The following FRMD6 variants were observed in gnomAD, a reference collection of about 807,000 sequenced individuals.
FRMD6 encodes FERM domain-containing protein 6.
Under a neutral mutation model 73.2 loss-of-function variants are expected in FRMD6, and 37 were observed. That is an observed-to-expected ratio of 0.51 (90% confidence interval 0.39 to 0.66). The LOEUF (loss-of-function observed/expected upper bound fraction) is 0.66, where lower values mean the gene tolerates loss of function less well. Ranked by LOEUF, FRMD6 falls within the 30% of genes least tolerant of loss-of-function variation. The pLI, the probability that FRMD6 is intolerant of heterozygous loss-of-function variation, is 0.00. For missense variants in FRMD6, 714 were observed against 780.5 expected, an observed-to-expected ratio of 0.91 and a Z score of 1.02; for synonymous variants, 273 against 282.2, an observed-to-expected ratio of 0.97 and a Z score of 0.33.
intron 2 of FRMD6, among the ~76,000 whole-genome samples, chr14:51,594,342 T>TTTATTTA (rs1284549637): frequency 9.2e-5 from 6 of 65,162 alleles, no homozygotes; most frequent in South Asian, 4.7e-4. Flanking sequence ...TTATTTATTT[T>TTTATTTA]TTTGAGACGG....
chr14:51,687,652 G>A (rs1895261065), intron 1 of FRMD6, among the ~76,000 whole-genome samples: 1 of 152,120 alleles, frequency 6.6e-6, no homozygotes, highest in Non-Finnish European at 1.5e-5. Context: ...AACACTTTCT[G>A]ATTTCTAAGA....
chr14:51,717,725 T>C (rs1594779671), intron 10 of FRMD6, among the ~76,000 whole-genome samples: 1 of 152,158 alleles, frequency 6.6e-6, no homozygotes, highest in East Asian at 1.9e-4. Flanking sequence ...GAAAAGCCCT[T>C]TTTTGGGCAT....
intron 1 of FRMD6, among the ~76,000 whole-genome samples, chr14:51,537,138 AAT>A (rs1178834790): frequency 6.6e-6 from 1 of 152,208 alleles, no homozygotes; most frequent in Non-Finnish European, 1.5e-5. Flanking sequence ...TATCATACAG[AAT>A]AGTTTTACTT....
the FRMD6 span, among the ~76,000 whole-genome samples, chr14:51,457,318 T>C: frequency 3.3e-5 from 5 of 149,580 alleles, no homozygotes; most frequent in Admixed American, 3.3e-4. Context: ...CAATAACAAA[T>C]AAAAGCTGGA....
chr14:51,495,763 T>A (rs893718678), intron 1 of FRMD6, among the ~76,000 whole-genome samples: 2 of 151,760 alleles, frequency 1.3e-5, no homozygotes, highest in Admixed American at 6.6e-5. Flanking sequence ...ATTGGAGAGG[T>A]AGAGGAAATG....
Position 51,663,163 on chromosome 14 carries a change from T to TG in FRMD6, c.-147+11168dup, listed in dbSNP as rs1893345400. ...GGAAAAGGAATGCTTATACACTGTT[T>TG]GTGGGAGTGTAAATTAGTTCCACCA... On this transcript the variant is annotated intron_variant, in intron 1 of 13. Transcript: ENST00000344768. 3.9e-5 allele frequency among the ~76,000 whole-genome samples: 6 copies of TG among 152,182 alleles called. 1 individual carries two copies. In the South Asian group the frequency reaches 1.2e-3, roughly 31 times the overall value.
At chr14:51,500,485 C>T (rs1883552698) in intron 1 of FRMD6, among the ~76,000 whole-genome samples, 1 of 151,264 alleles carries the variant, frequency 6.6e-6, no homozygotes, top group Non-Finnish European at 1.5e-5. Flanking sequence ...CAAGATCGTG[C>T]TCCAGCCTGG....
chr14:51,571,540 T>G (rs1450232725), intron 2 of FRMD6, among the ~76,000 whole-genome samples: 2 of 152,190 alleles, frequency 1.3e-5, no homozygotes, highest in Non-Finnish European at 2.9e-5. Context: ...TAATTAATTA[T>G]CTGCTAAACT....
At chr14:51,467,773 G>A in the FRMD6 span, among the ~76,000 whole-genome samples, 3 of 150,704 alleles carry the variant, frequency 2.0e-5, no homozygotes, top group Non-Finnish European at 3.0e-5. Context: ...TAGACGGGAT[G>A]ACGGCCAGGA....
intron 2 of FRMD6, among the ~76,000 whole-genome samples, chr14:51,642,484 C>T (rs992574576): frequency 1.5e-4 from 23 of 152,052 alleles, no homozygotes; most frequent in African/African-American, 5.1e-4. Flanking sequence ...TGCAGTGAGC[C>T]GAGATCACGC....
chr14:51,557,056 G>C (rs571302121), intron 1 of FRMD6, among the ~76,000 whole-genome samples: 1 of 152,088 alleles, frequency 6.6e-6, no homozygotes, highest in Non-Finnish European at 1.5e-5. Context: ...GAGGCTGAGC[G>C]GGGAGGATTG....
chr14:51,718,290 A>T (rs901237199), intron 10 of FRMD6, among the ~76,000 whole-genome samples: 1 of 152,212 alleles, frequency 6.6e-6, no homozygotes, highest in Non-Finnish European at 1.5e-5. Context: ...CAGGCTGGCA[A>T]GTACTTGTCT....
intron 2 of FRMD6, among the ~76,000 whole-genome samples, chr14:51,606,483 C>T (rs1017712509): frequency 1.3e-5 from 2 of 152,176 alleles, no homozygotes; most frequent in Admixed American, 1.3e-4. Context: ...CCAGCCCTCT[C>T]CCATCACCTC....
intron 2 of FRMD6, among the ~76,000 whole-genome samples, chr14:51,690,954 G>C (rs994265538): frequency 1.3e-5 from 2 of 152,128 alleles, no homozygotes; most frequent in African/African-American, 4.8e-5. Context: ...ATACATCCAT[G>C]TAACCATCAC....
At chr14:51,538,083 C>T (rs1261292786) in intron 1 of FRMD6, among the ~76,000 whole-genome samples, 3 of 152,042 alleles carry the variant, frequency 2.0e-5, no homozygotes, top group Non-Finnish European at 4.4e-5. Flanking sequence ...ATCACTGCAC[C>T]CAAGGTCATC....
intron 1 of FRMD6, among the ~76,000 whole-genome samples, chr14:51,552,557 G>A (rs568832751): frequency 2.0e-5 from 3 of 152,316 alleles, no homozygotes; most frequent in African/African-American, 4.8e-5. Flanking sequence ...GAGAGTCAGC[G>A]TTCACCCAGT....
chr14:51,420,762 G>A, the FRMD6 span, among the ~76,000 whole-genome samples: 5 of 151,742 alleles, frequency 3.3e-5, no homozygotes, highest in Admixed American at 1.3e-4. Context: ...ATGCAAATAC[G>A]GTACCATTTT....
At chr14:51,480,764 T>C in the FRMD6 span, among the ~76,000 whole-genome samples, 4 of 152,136 alleles carry the variant, frequency 2.6e-5, no homozygotes, top group African/African-American at 9.7e-5. Flanking sequence ...CTCACAATGA[T>C]ATTGTGAGGC....
intron 1 of FRMD6, among the ~76,000 whole-genome samples, chr14:51,502,621 G>A (rs1883688430): frequency 1.3e-5 from 2 of 152,186 alleles, no homozygotes; most frequent in Admixed American, 1.3e-4. Context: ...ATAGTTTGAA[G>A]TTGGGTAACA....
Sources: gnomAD v4.1 joint callset for allele counts (sites outside exome capture counted in the v4.1 genomes callset) on GRCh38, gnomAD v4.1.1 for gene constraint, MANE v1.5 for transcripts, NCBI Gene and HGNC (gene_info 2026-07-23, HGNC 2026-07-21) for gene names.